SAMD13: variants seen among roughly 807,000 people sequenced by gnomAD.
SAMD13 encodes the protein sterile alpha motif domain-containing protein 13.
In SAMD13, 9 loss-of-function variants were observed where a neutral mutation model predicts 12.4. The observed-to-expected ratio is 0.72, with a 90% CI of 0.44 to 1.26. The LOEUF (loss-of-function observed/expected upper bound fraction) is 1.26, where lower values mean the gene tolerates loss of function less well. Among genes scored for constraint, SAMD13 ranks in the 50% most tolerant of loss-of-function variants. The pLI is 0.00. For synonymous variants in SAMD13, 46 were observed against 45.4 expected, an observed-to-expected ratio of 1.01 and a Z score of -0.05; for missense variants, 84 against 119.6, an observed-to-expected ratio of 0.70 and a Z score of 1.39.
intron 2 of SAMD13, among the ~76,000 whole-genome samples, chr1:84,322,092 G>A (rs1433680246): frequency 1.3e-5 from 2 of 152,096 alleles, no homozygotes; most frequent in African/African-American, 2.4e-5. Context: ...CCTCCCTTAC[G>A]TAAATACGTC....
intron 3 of SAMD13, among the ~76,000 whole-genome samples, chr1:84,346,002 C>T (rs1160242649): frequency 6.6e-6 from 1 of 152,124 alleles, no homozygotes; most frequent in Non-Finnish European, 1.5e-5. Flanking sequence ...CCATACTCAG[C>T]TTTTATATGC....
rs192182124 is a variant in SAMD13, at chr1:84,340,740, T to C, written c.166-8891T>C. Among the ~76,000 whole-genome samples, 3 of 152,338 alleles carry C rather than the reference T, an allele frequency of 2.0e-5. No individual in the cohort carries two copies. The East Asian group carries it at 5.8e-4, about 29-fold the overall frequency. ...TGAGTTGGGAGCATAGGTGAAGTTG[T>C]GTACAGATATAAATAAGATTGTCCT... On this transcript the variant is annotated intron_variant, in intron 3 of 3. Transcript: ENST00000394834.
intron 3 of SAMD13, among the ~76,000 whole-genome samples, chr1:84,345,948 C>G (rs1679525363): frequency 6.6e-6 from 1 of 152,188 alleles, no homozygotes; most frequent in Non-Finnish European, 1.5e-5. Context: ...AAGCAATCCT[C>G]CCACCTCAGC....
intron 2 of SAMD13, among the ~76,000 whole-genome samples, chr1:84,323,975 G>A (rs1679002508): frequency 6.6e-6 from 1 of 152,082 alleles, no homozygotes; most frequent in East Asian, 1.9e-4. Flanking sequence ...ATGTTTAGCT[G>A]GATGGATGTT....
upstream of SAMD13, chr1:84,299,507 C>T: frequency 2.2e-6 from 2 of 918,756 alleles, no homozygotes; most frequent in Non-Finnish European, 1.5e-6. Context: ...CACACACACC[C>T]CCACATACGT....
At chr1:84,338,787 T>G (rs1310380635) in intron 3 of SAMD13, among the ~76,000 whole-genome samples, 2 of 152,062 alleles carry the variant, frequency 1.3e-5, no homozygotes, top group Non-Finnish European at 2.9e-5. Flanking sequence ...TTATTCACTA[T>G]CCTGAGAACA....
At chr1:84,305,963 T>C (rs933997440) in intron 2 of SAMD13, among the ~76,000 whole-genome samples, 2 of 152,206 alleles carry the variant, frequency 1.3e-5, no homozygotes, top group African/African-American at 4.8e-5. Flanking sequence ...TCTGTACATT[T>C]CCATATGAAT....
At chr1:84,336,006 T>A (rs895679891) in intron 3 of SAMD13, among the ~76,000 whole-genome samples, 2 of 152,154 alleles carry the variant, frequency 1.3e-5, no homozygotes, top group African/African-American at 2.4e-5. Flanking sequence ...CCTTGGTGAA[T>A]CTGATGACTA....
At chr1:84,314,782 A>G (rs1440278340) in intron 2 of SAMD13, among the ~76,000 whole-genome samples, 1 of 152,162 alleles carries the variant, frequency 6.6e-6, no homozygotes, top group Non-Finnish European at 1.5e-5. Context: ...TAATTATTAA[A>G]TATCTCTTAA....
intron 3 of SAMD13, among the ~76,000 whole-genome samples, chr1:84,343,812 A>T (rs1679476652): frequency 6.6e-6 from 1 of 152,154 alleles, no homozygotes; most frequent in Admixed American, 6.5e-5. Flanking sequence ...GCACACATTT[A>T]CCTATGTAAC....
At chr1:84,306,796 A>G (rs1346313424) in intron 2 of SAMD13, among the ~76,000 whole-genome samples, 1 of 150,860 alleles carries the variant, frequency 6.6e-6, no homozygotes, top group African/African-American at 2.4e-5. Flanking sequence ...GTGCCACTGC[A>G]CTCCAGCCTG....
At chr1:84,318,005 T>A (rs752196633) in intron 2 of SAMD13, among the ~76,000 whole-genome samples, 2 of 152,140 alleles carry the variant, frequency 1.3e-5, no homozygotes, top group Non-Finnish European at 2.9e-5. Flanking sequence ...TGACCTTTTT[T>A]ACTTCTGTAG....
rs144992945 is a variant in SAMD13 at position 84,311,393 on chromosome 1, C to T, written c.53+8106C>T. Among the ~76,000 whole-genome samples the T allele has an allele frequency of 3.8e-3, 573 of 149,366 alleles. 4 individuals carry two copies. The highest frequency in any genetic ancestry group is 0.013 in the African/African-American group (544 of 40,666). ...AAAAGAAAAAAAAATTAATATTTGA[C>T]AAGCATTCCTTCTGTTTCAGTAAAA... On this transcript the variant is annotated intron_variant, in intron 2 of 3. Coordinates refer to ENST00000394834, the MANE Select transcript of SAMD13 (RefSeq NM_001134663.2).
intron 2 of SAMD13, among the ~76,000 whole-genome samples, chr1:84,313,975 A>G (rs1309925285): frequency 6.6e-6 from 1 of 152,150 alleles, no homozygotes; most frequent in Non-Finnish European, 1.5e-5. Context: ...CTGTTAAGCT[A>G]TGTATTATGT....
upstream of SAMD13, among the ~76,000 whole-genome samples, chr1:84,299,320 C>T (rs1678389306): frequency 2.0e-5 from 3 of 152,212 alleles, no homozygotes; most frequent in South Asian, 6.2e-4. Flanking sequence ...CTCTCCCTAT[C>T]TGAGCGCATT....
At chr1:84,303,077 A>T (rs1343091243) in intron 1 of SAMD13, 126 bp from the exon 2 acceptor site, 1 of 683,920 alleles carries the variant, frequency 1.5e-6, no homozygotes, top group Non-Finnish European at 2.5e-6. Flanking sequence ...GGAACTGGAG[A>T]TTTAAACAAA....
chr1:84,331,354 A>AAAAAAAAAAAAATAC lies in SAMD13; in HGVS notation c.165+5610_165+5611insAAAAAAAATACAAAA, dbSNP rs553761794. 5.4e-3 allele frequency among the ~76,000 whole-genome samples: 449 copies of AAAAAAAAAAAAATAC among 82,450 alleles called. 100 individuals carry two copies. The highest frequency in any genetic ancestry group is 0.011 in the East Asian group (28 of 2,596). 54.1% of individuals were successfully genotyped at this position (82,450 alleles called of 152,430 possible). A position where few individuals can be genotyped will look rare whatever the true frequency, so the allele number is the denominator to read the frequency against. Reference sequence around the variant, plus strand: ...AAAAAAAAAAAAAAAAAAAAAAAAAAAAAATTATGGATACAAACTTGTTAA... The same window carrying AAAAAAAAAAAAATAC: ...AAAAAAAAAAAAAAAAAAAAAAAAAAAAAAAAAAAAAATACAAAATTATGGATACAAACTTGTTAA... On this transcript the variant is annotated intron_variant, in intron 3 of 3. Transcript: ENST00000394834.
intron 2 of SAMD13, among the ~76,000 whole-genome samples, chr1:84,310,332 A>G (rs1678682636): frequency 1.3e-5 from 2 of 152,052 alleles, no homozygotes; most frequent in African/African-American, 4.8e-5. Context: ...CCACAGATGA[A>G]ATACACTACT....
At chr1:84,325,511 A>G in intron 2 of SAMD13, 126 bp from the exon 3 acceptor site, 1 of 646,980 alleles carries the variant, frequency 1.5e-6, no homozygotes, top group East Asian at 2.6e-5. Context: ...TGACTAAGCC[A>G]GTGAGAGTAA....
Sources: gnomAD v4.1 joint callset for allele counts (sites outside exome capture counted in the v4.1 genomes callset) on GRCh38, gnomAD v4.1.1 for gene constraint, MANE v1.5 for transcripts, NCBI Gene and HGNC (gene_info 2026-07-23, HGNC 2026-07-21) for gene names.